Variants in CFAP20DC observed in about 807,000 individuals in gnomAD.
CFAP20DC encodes protein CFAP20DC.
Under a neutral mutation model 101.7 loss-of-function variants are expected in CFAP20DC, and 84 were observed. The observed-to-expected ratio is 0.83, with a 90% CI of 0.69 to 0.99. CFAP20DC has a LOEUF of 0.99. Ranked by LOEUF, CFAP20DC falls within the 50% of genes least tolerant of loss-of-function variation. The pLI, the probability that CFAP20DC is intolerant of heterozygous loss-of-function variation, is 0.00. For synonymous variants in CFAP20DC, 359 were observed against 351.2 expected (o/e 1.02, Z -0.25); for missense variants, 1,007 against 970.3 (o/e 1.04, Z -0.50).
intron 6 of CFAP20DC, among the ~76,000 whole-genome samples, chr3:58,907,510 C>T (rs189207532): frequency 6.0e-4 from 91 of 152,324 alleles, no homozygotes; most frequent in Middle Eastern, 6.8e-3. Context: ...CATTTATGCA[C>T]ATCTATTTTT....
intron 7 of CFAP20DC, among the ~76,000 whole-genome samples, chr3:58,877,675 A>T (rs373491372): frequency 6.6e-6 from 1 of 152,278 alleles, no homozygotes; most frequent in East Asian, 1.9e-4. Context: ...CCCTCTGTGG[A>T]TCAGGAGGAC....
In CFAP20DC at chr3:58,956,788, C is replaced by A. The variant is rs367803063; in HGVS notation, c.279-19026G>T. ...TGGGAGGCCTCAAGAAACTTACCATCATGGCAGAAGGGGAAGCAGACACAT... is the reference window on the plus strand; with the variant it reads ...TGGGAGGCCTCAAGAAACTTACCATAATGGCAGAAGGGGAAGCAGACACAT... On this transcript the variant is annotated intron_variant, in intron 4 of 16. Coordinates refer to ENST00000482387, the MANE Select transcript of CFAP20DC (RefSeq NM_001394063.1). 1.8e-4 allele frequency among the ~76,000 whole-genome samples: 28 copies of A among 152,322 alleles called. No homozygotes were observed. The East Asian group carries it at 5.0e-3, about 27-fold the overall frequency.
Position 58,849,165 on chromosome 3 carries a change from C to T in CFAP20DC, c.1838G>A (p.Gly613Glu). The T allele has an allele frequency of 2.0e-6, 3 of 1,535,998 alleles. No individual in the cohort carries two copies. The highest frequency in any genetic ancestry group is 2.6e-6 in the Non-Finnish European group (3 of 1,146,898). ...TCLSPTGRRC[G>E]SCQKTPEPVI... ...GGGCTCTGGAGTTTTCTGACAGGAC[C>T]CACACCTTCTTCCAGTTGGAGAAAG... Residue 613 changes from glycine (G) to glutamate (E), a missense_variant, in exon 13 of 17, where the codon GGG becomes GAG. Physicochemically the swap from Gly to Glu is moderately conservative, Grantham distance 98. Transcript: ENST00000482387.
At chr3:58,858,527 C>G (rs965064619) in intron 12 of CFAP20DC, among the ~76,000 whole-genome samples, 1 of 151,996 alleles carries the variant, frequency 6.6e-6, no homozygotes, top group Non-Finnish European at 1.5e-5. Flanking sequence ...CAGATGGGAC[C>G]CAGGCTCTTT....
chr3:58,825,375 T>C (rs1234072797), intron 14 of CFAP20DC, among the ~76,000 whole-genome samples: 2 of 152,140 alleles, frequency 1.3e-5, no homozygotes, highest in Non-Finnish European at 2.9e-5. Context: ...ATAATGCCAA[T>C]ATTAGGAAGG....
chr3:58,963,190 TTGTG>T (rs56234919), intron 4 of CFAP20DC, among the ~76,000 whole-genome samples: 3,382 of 118,192 alleles, frequency 0.029, 118 homozygotes, highest in East Asian at 0.15. Flanking sequence ...GTTCAGTAGT[TTGTG>T]TGTGTGTGTG....
At chr3:59,046,903 A>T (rs1347077659) in intron 2 of CFAP20DC, among the ~76,000 whole-genome samples, 3 of 152,134 alleles carry the variant, frequency 2.0e-5, no homozygotes, top group African/African-American at 7.2e-5. Flanking sequence ...GGACTAGGAG[A>T]GATTTTTCTT....
At chr3:58,988,521 T>A (rs1317280749) in intron 4 of CFAP20DC, among the ~76,000 whole-genome samples, 5 of 152,162 alleles carry the variant, frequency 3.3e-5, no homozygotes, top group Non-Finnish European at 7.4e-5. Flanking sequence ...AACAGGGACA[T>A]TTCTAAAGCA....
intron 15 of CFAP20DC, among the ~76,000 whole-genome samples, chr3:58,801,196 G>C (rs1398577580): frequency 6.6e-6 from 1 of 152,156 alleles, no homozygotes; most frequent in Non-Finnish European, 1.5e-5. Flanking sequence ...GCCCTCAAAA[G>C]AGCAGGTGTG....
intron 4 of CFAP20DC, among the ~76,000 whole-genome samples, chr3:59,010,431 CT>C (rs1333488958): frequency 1.3e-5 from 2 of 152,024 alleles, no homozygotes; most frequent in Non-Finnish European, 1.5e-5. Context: ...ACAAAACAGA[CT>C]CTAAAGCAAC....
chr3:58,863,735 A>C lies in CFAP20DC; in HGVS notation c.1416T>G (p.Ser472Arg), dbSNP rs773838863. ...AAAAAGTGAAAATGTCCTTTGGAAC[A>C]CTCTGGGATTCCTCTGCCTGCTGGT... is the stretch of plus-strand genomic sequence containing the variant. Reference protein sequence around the residue: ...EHDQQAEESQSVPKDIFTFSS... With the variant: ...EHDQQAEESQRVPKDIFTFSS... The change falls in exon 12 of 17, where the codon AGT (serine) becomes AGG (arginine). Residue 472 changes from serine to arginine, a missense_variant. Physicochemically the swap from Ser to Arg is moderately radical, Grantham distance 110. Transcript: ENST00000482387. This position sits in a 1 kb window ranked among gnomAD's most constrained non-coding sequence, Gnocchi z 5.9. 6.2e-7 allele frequency: 1 copy of C among 1,614,082 alleles called. No homozygotes were observed. The highest frequency in any genetic ancestry group is 8.5e-7 in the Non-Finnish European group (1 of 1,180,006).
chr3:58,783,783 A>G (rs1166577525), intron 15 of CFAP20DC, among the ~76,000 whole-genome samples: 1 of 152,040 alleles, frequency 6.6e-6, no homozygotes, highest in Non-Finnish European at 1.5e-5. Flanking sequence ...TTACTAAAAA[A>G]ACAAAACAAA....
chr3:58,747,000 A>G (rs1379314131), intron 16 of CFAP20DC, among the ~76,000 whole-genome samples: 6 of 152,150 alleles, frequency 3.9e-5, no homozygotes, highest in Admixed American at 1.3e-4. Context: ...GTAATTTTCA[A>G]TTATATTCTT....
intron 4 of CFAP20DC, among the ~76,000 whole-genome samples, chr3:59,036,998 T>A (rs1240726144): frequency 6.6e-6 from 1 of 152,076 alleles, no homozygotes; most frequent in Non-Finnish European, 1.5e-5. Flanking sequence ...ACCAGTTGAT[T>A]TTTGACAAAC....
chr3:58,874,209 G>A lies in CFAP20DC; in HGVS notation c.716-3900C>T, dbSNP rs1027848706. Among the ~76,000 whole-genome samples the A allele has an allele frequency of 6.6e-6, 1 of 152,178 alleles. No individual in the cohort carries two copies. Among genetic ancestry groups the A allele is most frequent in the East Asian group, 1.9e-4 (1 of 5,186 alleles). Reference sequence around the variant, plus strand: ...TGGTTTGAAAAGTCAGAATCTAGGTGTCATGCTTGACACCTTCCCCTGATC... The same window carrying A: ...TGGTTTGAAAAGTCAGAATCTAGGTATCATGCTTGACACCTTCCCCTGATC... On this transcript the variant is annotated intron_variant, in intron 7 of 16. Coordinates refer to ENST00000482387, the MANE Select transcript of CFAP20DC (RefSeq NM_001394063.1). This position sits in a 1 kb window ranked among gnomAD's most constrained non-coding sequence, Gnocchi z 5.1.
chr3:58,920,233 G>A (rs1258505671), intron 5 of CFAP20DC, among the ~76,000 whole-genome samples: 1 of 151,914 alleles, frequency 6.6e-6, no homozygotes, highest in African/African-American at 2.4e-5. Context: ...TGGGACCACA[G>A]CCATAAGCCA....
chr3:59,045,737 T>A (rs1699803032), intron 3 of CFAP20DC, among the ~76,000 whole-genome samples: 1 of 152,166 alleles, frequency 6.6e-6, no homozygotes, highest in African/African-American at 2.4e-5. Context: ...TGAGTTGACA[T>A]GTCACTAAAT....
chr3:58,823,716 G>C (rs2075849122), intron 14 of CFAP20DC, among the ~76,000 whole-genome samples: 1 of 152,106 alleles, frequency 6.6e-6, no homozygotes. Flanking sequence ...ATCTAGAGTG[G>C]TGACTATTTA....
At chr3:58,753,581 C>T (rs762371155) in intron 16 of CFAP20DC, 188 bp downstream of exon 16, 36 of 523,186 alleles carry the variant, frequency 6.9e-5, no homozygotes, top group Non-Finnish European at 1.1e-4. Flanking sequence ...GGTAGTTTCT[C>T]TCATCTTCTT....
Sources: allele counts gnomAD v4.1 joint callset (sites outside exome capture counted in the v4.1 genomes callset), GRCh38; gene constraint gnomAD v4.1.1; non-coding constraint Gnocchi (gnomAD v3.1); transcripts MANE v1.5; gene names NCBI Gene and HGNC (gene_info 2026-07-23, HGNC 2026-07-21).